The following SLC26A5 variants were observed in gnomAD, a reference collection of about 807,000 sequenced individuals.
SLC26A5 encodes the protein solute carrier family 26 member 5, also known as prestin.
In SLC26A5, 51 loss-of-function variants were observed where a neutral mutation model predicts 81.0. That is an observed-to-expected ratio of 0.63 (90% CI 0.50 to 0.80). The LOEUF is 0.80. Among genes scored for constraint, SLC26A5 ranks in the 30% least tolerant of loss-of-function variants. The probability of loss-of-function intolerance (pLI) is 0.00; values close to 1 mark genes in which losing one functional copy is unlikely to be tolerated. For synonymous variants in SLC26A5, 325 were observed against 332.8 expected (o/e 0.98, Z 0.25); for missense variants, 771 against 905.8 (o/e 0.85, Z 1.91).
At chr7:103,399,088 ACT>A (rs1360459726) in intron 8 of SLC26A5, among the ~76,000 whole-genome samples, 8 of 152,174 alleles carry the variant, frequency 5.3e-5, no homozygotes, top group Admixed American at 5.2e-4. Flanking sequence ...TGAATGCAAA[ACT>A]CAAAAAATAT....
intron 4 of SLC26A5, among the ~76,000 whole-genome samples, chr7:103,417,889 C>T (rs1368440538): frequency 1.3e-5 from 2 of 152,148 alleles, no homozygotes; most frequent in East Asian, 3.9e-4. Context: ...GCTGGGACTA[C>T]AGGCATGTGC....
At chr7:103,383,246 G>A (rs1194783181) in intron 14 of SLC26A5, among the ~76,000 whole-genome samples, 1 of 152,232 alleles carries the variant, frequency 6.6e-6, no homozygotes, top group Non-Finnish European at 1.5e-5. Context: ...CAGTGCCACA[G>A]GGGAGGCAGA....
chr7:103,409,777 G>C (rs890966834), intron 7 of SLC26A5, among the ~76,000 whole-genome samples: 1 of 151,614 alleles, frequency 6.6e-6, no homozygotes, highest in East Asian at 1.9e-4. Context: ...ATGGGATCTC[G>C]GGTCACTACA....
At chr7:103,401,979 C>T (rs1271616720) in intron 8 of SLC26A5, among the ~76,000 whole-genome samples, 5 of 152,106 alleles carry the variant, frequency 3.3e-5, no homozygotes, top group Non-Finnish European at 5.9e-5. Context: ...TGAGGATTTT[C>T]GCATCGATAT....
chr7:103,380,510 A>G lies in SLC26A5; in HGVS notation c.1554T>C (p.Asp518=), dbSNP rs1821689165. Reference sequence around the variant, plus strand: ...CATATGCGTCTATATCAATATACACATCAGTTTCAGGAAGCTTTCCAAGGA... The same window carrying G: ...CATATGCGTCTATATCAATATACACGTCAGTTTCAGGAAGCTTTCCAAGGA... ...YKVLGKLPET[D]VYIDIDAYEE... Residue 518 remains aspartate, a synonymous_variant, in exon 15 of 20, where the codon GAT becomes GAC. Coordinates refer to ENST00000306312, the MANE Select transcript of SLC26A5 (RefSeq NM_198999.3). The G allele has an allele frequency of 1.9e-6, 3 of 1,613,738 alleles. No individual in the cohort carries two copies. Among genetic ancestry groups the G allele is most frequent in the Non-Finnish European group, 2.5e-6 (3 of 1,179,828 alleles).
At chr7:103,390,634 C>T (rs904841711) in intron 11 of SLC26A5, 128 bp from the exon 12 acceptor site, 63 of 782,406 alleles carry the variant, frequency 8.1e-5, no homozygotes, top group Non-Finnish European at 4.4e-5. Context: ...AATAAGTCAA[C>T]TAAACCACTA....
At chr7:103,388,275 C>T (rs1174278348) in intron 14 of SLC26A5, among the ~76,000 whole-genome samples, 1 of 148,152 alleles carries the variant, frequency 6.7e-6, no homozygotes, top group African/African-American at 2.5e-5. Context: ...TGGCTTACTG[C>T]AACCTCCACC....
intron 1 of SLC26A5, among the ~76,000 whole-genome samples, chr7:103,444,336 CATG>C (rs1163823948): frequency 1.6e-4 from 25 of 152,174 alleles, no homozygotes; most frequent in Admixed American, 5.2e-4. Flanking sequence ...TCCTATTTAT[CATG>C]ATTTCCCTAG....
At chr7:103,438,415 C>T (rs1373845103) in intron 2 of SLC26A5, among the ~76,000 whole-genome samples, 4 of 147,020 alleles carry the variant, frequency 2.7e-5, no homozygotes, top group Admixed American at 1.4e-4. Context: ...GATGGAGTCT[C>T]GCTCTCGACT....
intron 19 of SLC26A5, among the ~76,000 whole-genome samples, chr7:103,375,972 G>A (rs187655646): frequency 3.3e-5 from 5 of 151,620 alleles, no homozygotes; most frequent in Non-Finnish European, 5.9e-5. Flanking sequence ...AGCCAAGATG[G>A]TCTCGATCTT....
Position 103,360,165 on chromosome 7 carries a change from T to C in SLC26A5, c.2042-7239A>G, listed in dbSNP as rs77509496. On this transcript the variant is annotated intron_variant, in intron 19 of 19. Transcript: ENST00000339444. The stretch of plus-strand genomic sequence containing the variant: ...CTATTGACTGATTTTTTTCCCCTTA[T>C]GTATGAGCCATAATGTCATACATAA... Among the ~76,000 whole-genome samples the C allele has an allele frequency of 7.6e-3, 1,152 of 152,296 alleles. 5 individuals carry two copies. The highest frequency in any genetic ancestry group is 0.026 in the African/African-American group (1,088 of 41,552).
intron 19 of SLC26A5, among the ~76,000 whole-genome samples, chr7:103,358,179 C>T (rs972709604): frequency 2.6e-5 from 4 of 152,124 alleles, no homozygotes; most frequent in African/African-American, 4.8e-5. Context: ...TTGAAGGCGT[C>T]GTTCTGTTGT....
rs1820774339 is a variant in SLC26A5, at chr7:103,367,407, TCTC to T, written c.2041+9398_2041+9400del. ...GAAGAGCTTATCTTTCCTTTTGTCT[TCTC>T]AGGGGCTCGTTTTGATGATGGTGCT... On this transcript the variant is annotated intron_variant, in intron 19 of 19. Coordinates refer to the SLC26A5 transcript ENST00000339444. This position sits in a 1 kb window ranked among gnomAD's most constrained non-coding sequence, Gnocchi z 6.1. 1.9e-6 allele frequency: 3 copies of T among 1,613,116 alleles called. No homozygotes were observed. The highest frequency in any genetic ancestry group is 2.7e-5 in the African/African-American group (2 of 74,886).
chr7:103,363,931 T>C (rs1013520746), intron 19 of SLC26A5, among the ~76,000 whole-genome samples: 2 of 152,234 alleles, frequency 1.3e-5, no homozygotes, highest in Non-Finnish European at 2.9e-5. Flanking sequence ...TATGTATTGA[T>C]AGAAGTCCAG....
chr7:103,367,664 T>A lies in SLC26A5; in HGVS notation c.2041+9144A>T, dbSNP rs1235407378. ...GAAAGGGATTTTTGAAGTTTTTTCT[T>A]CCTGTGATTTTTTTCCATTTTAATA... On this transcript the variant is annotated intron_variant, in intron 19 of 19. Coordinates refer to the SLC26A5 transcript ENST00000339444. This position sits in a 1 kb window ranked among gnomAD's most constrained non-coding sequence, Gnocchi z 6.1. 2 of 1,608,934 alleles carry A rather than the reference T, an allele frequency of 1.2e-6. No homozygotes were observed.
intron 2 of SLC26A5, among the ~76,000 whole-genome samples, chr7:103,437,299 G>T (rs1251839021): frequency 6.6e-6 from 1 of 152,204 alleles, no homozygotes; most frequent in Non-Finnish European, 1.5e-5. Context: ...TGGTGAGCAT[G>T]CAGAGAAAAC....
chr7:103,395,812 C>A (rs562216033), intron 9 of SLC26A5, among the ~76,000 whole-genome samples: 1 of 152,000 alleles, frequency 6.6e-6, no homozygotes, highest in South Asian at 2.1e-4. Context: ...TGCCACCGTG[C>A]CCGGCCAATA....
intron 2 of SLC26A5, among the ~76,000 whole-genome samples, chr7:103,430,911 A>G (rs1022436053): frequency 2.6e-5 from 4 of 152,128 alleles, no homozygotes; most frequent in Non-Finnish European, 4.4e-5. Flanking sequence ...GCTCAAAATC[A>G]CTCTACCACG....
At chr7:103,406,170 CT>C (rs1406121190) in intron 8 of SLC26A5, among the ~76,000 whole-genome samples, 2 of 152,210 alleles carry the variant, frequency 1.3e-5, no homozygotes, top group Non-Finnish European at 2.9e-5. Context: ...CTTTAGCCCC[CT>C]TTCCAAGGGA....
Sources: gnomAD v4.1 joint callset for allele counts (sites outside exome capture counted in the v4.1 genomes callset) on GRCh38, gnomAD v4.1.1 for gene constraint, Gnocchi (gnomAD v3.1) non-coding constraint, MANE v1.5 for transcripts, NCBI Gene and HGNC (gene_info 2026-07-23, HGNC 2026-07-21) for gene names.